Variants in RNF111 observed in about 807,000 individuals in gnomAD.
RNF111 encodes E3 ubiquitin-protein ligase Arkadia.
In RNF111, 17 loss-of-function variants were observed where a neutral mutation model predicts 95.1. That is an observed-to-expected ratio of 0.18 (90% CI 0.12 to 0.27). The LOEUF (loss-of-function observed/expected upper bound fraction) is 0.27. Ranked by LOEUF, RNF111 falls within the 10% of genes least tolerant of loss-of-function variation. The pLI, the probability that RNF111 is intolerant of heterozygous loss-of-function variation, is 1.00. For missense variants in RNF111, 1,189 were observed against 1,210.4 expected, an observed-to-expected ratio of 0.98 and a Z score of 0.26; for synonymous variants, 440 against 414.8, an observed-to-expected ratio of 1.06 and a Z score of -0.74.
At chr15:59,076,706 A>AT (rs1463866102) in intron 7 of RNF111, among the ~76,000 whole-genome samples, 1 of 152,222 alleles carries the variant, frequency 6.6e-6, no homozygotes, top group East Asian at 1.9e-4. Context: ...TAAAAATAAA[A>AT]TAGAACCAGC....
At chr15:59,009,918 T>C (rs1207886388) in intron 1 of RNF111, among the ~76,000 whole-genome samples, 4 of 152,178 alleles carry the variant, frequency 2.6e-5, no homozygotes, top group African/African-American at 9.7e-5. Context: ...ATCCTGCCAT[T>C]GTGCTCCAGC....
At chr15:59,053,037 G>C (rs951467946) in intron 3 of RNF111, among the ~76,000 whole-genome samples, 2 of 152,194 alleles carry the variant, frequency 1.3e-5, no homozygotes, top group South Asian at 4.1e-4. Context: ...TGTTGAAATA[G>C]CCCTTTCTGT....
At chr15:58,999,999 G>A (rs1012089533) in intron 1 of RNF111, among the ~76,000 whole-genome samples, 1 of 152,030 alleles carries the variant, frequency 6.6e-6, no homozygotes, top group Non-Finnish European at 1.5e-5. Context: ...AAATTGCCCA[G>A]ATAATCCAGT....
chr15:59,072,112 T>A, intron 6 of RNF111, among the ~76,000 whole-genome samples: 1 of 152,230 alleles, frequency 6.6e-6, no homozygotes, highest in East Asian at 1.9e-4. Context: ...AGCAATCCTC[T>A]GAGACTTCAG....
At chr15:59,090,484 C>G (rs986994069) in intron 11 of RNF111, among the ~76,000 whole-genome samples, 4 of 152,346 alleles carry the variant, frequency 2.6e-5, no homozygotes, top group Middle Eastern at 3.4e-3. Context: ...CCCACCTTGG[C>G]CTCCCAAAGT....
At chr15:59,046,362 T>G (rs1209659245) in intron 2 of RNF111, among the ~76,000 whole-genome samples, 1 of 152,086 alleles carries the variant, frequency 6.6e-6, no homozygotes, top group Non-Finnish European at 1.5e-5. Flanking sequence ...CCTGGCTAAT[T>G]TTTTATTTTT....
intron 6 of RNF111, among the ~76,000 whole-genome samples, chr15:59,067,337 C>T (rs967391158): frequency 6.6e-6 from 1 of 151,362 alleles, no homozygotes; most frequent in African/African-American, 2.4e-5. Context: ...TTCATTCCTT[C>T]CCTCTCCTTT....
chr15:59,033,227 T>C (rs1447146586), intron 2 of RNF111, among the ~76,000 whole-genome samples: 3 of 152,214 alleles, frequency 2.0e-5, no homozygotes, highest in Non-Finnish European at 4.4e-5. Context: ...GCTAGTCTAC[T>C]TTTGGATGTG....
At chr15:59,040,995 TC>T (rs749985902) in intron 2 of RNF111, among the ~76,000 whole-genome samples, 1 of 152,194 alleles carries the variant, frequency 6.6e-6, no homozygotes, top group Non-Finnish European at 1.5e-5. Context: ...TTTTTTTTCT[TC>T]AAAAATATAC....
chr15:59,005,499 C>T (rs116376298), intron 1 of RNF111, among the ~76,000 whole-genome samples: 2,358 of 152,282 alleles, frequency 0.015, 68 homozygotes, highest in African/African-American at 0.054. Flanking sequence ...GGACAGCTGT[C>T]ATCTTTTTAA....
In RNF111 at chr15:59,076,035, C is replaced by A. The variant is rs780618605; in HGVS notation, c.1768C>A (p.Pro590Thr). 5.0e-6 allele frequency: 8 copies of A among 1,614,136 alleles called. No individual in the cohort carries two copies. The highest frequency in any genetic ancestry group is 6.8e-6 in the Non-Finnish European group (8 of 1,180,044). The change falls in exon 7 of 14, where the codon CCC becomes ACC. Residue 590 changes from proline (P) to threonine (T), a missense_variant. Transcript: ENST00000348370. ...TTTTCATGGAGCATCTGCATTTGACCCCTGCTGCCCTGTTTCTTCCTCCCG... is the reference window on the plus strand; with the variant it reads ...TTTTCATGGAGCATCTGCATTTGACACCTGCTGCCCTGTTTCTTCCTCCCG... ...GSFHGASAFDPCCPVSSSRAA... is the reference protein window; with the variant it reads ...GSFHGASAFDTCCPVSSSRAA...
intron 1 of RNF111, among the ~76,000 whole-genome samples, chr15:59,012,339 C>T (rs1350889201): frequency 6.6e-6 from 1 of 152,070 alleles, no homozygotes; most frequent in African/African-American, 2.4e-5. Context: ...TCTTAATTTC[C>T]ACTTAGGTAA....
chr15:59,013,578 T>G (rs1439263563), intron 1 of RNF111, among the ~76,000 whole-genome samples: 2 of 152,222 alleles, frequency 1.3e-5, no homozygotes, highest in African/African-American at 4.8e-5. Context: ...CAACATGACT[T>G]AGCACTGATT....
At chr15:58,999,712 C>G (rs1467383415) in intron 1 of RNF111, among the ~76,000 whole-genome samples, 1 of 152,020 alleles carries the variant, frequency 6.6e-6, no homozygotes, top group Non-Finnish European at 1.5e-5. Flanking sequence ...GGTATTAGTT[C>G]GTTCTCACAC....
intron 1 of RNF111, among the ~76,000 whole-genome samples, chr15:58,992,202 G>A (rs1358045189): frequency 3.9e-5 from 6 of 152,106 alleles, no homozygotes; most frequent in African/African-American, 1.2e-4. Context: ...GCGCCACCAC[G>A]CCTGCTAACT....
rs1414331850 is a variant in RNF111, at chr15:58,987,820, C to T, written c.-268C>T. 1 of 155,526 alleles carries T rather than the reference C, an allele frequency of 6.4e-6. No individual in the cohort carries two copies. The highest frequency in any genetic ancestry group is 1.4e-5 in the Non-Finnish European group (1 of 69,666). 9.6% of individuals were successfully genotyped at this position (155,526 alleles called of 1,614,324 possible). On this transcript the variant is annotated 5_prime_UTR_variant, in exon 1 of 14. Coordinates refer to ENST00000348370, the MANE Select transcript of RNF111 (RefSeq NM_017610.8). ...CGCCCGCAGCTTCAGAGAAGGAGTT[C>T]TTGTGGGACCAAATTAGGCATTCTG...
chr15:59,057,294 T>C (rs1261171811), intron 4 of RNF111, among the ~76,000 whole-genome samples: 1 of 152,198 alleles, frequency 6.6e-6, no homozygotes, highest in Non-Finnish European at 1.5e-5. Context: ...TTAAACTATT[T>C]ACAAATAAAC....
At chr15:59,055,334 G>T (rs2042159614) in intron 3 of RNF111, among the ~76,000 whole-genome samples, 3 of 152,150 alleles carry the variant, frequency 2.0e-5, no homozygotes, top group Non-Finnish European at 4.4e-5. Flanking sequence ...AATGTGTAGG[G>T]TGTTATTTTT....
intron 2 of RNF111, among the ~76,000 whole-genome samples, chr15:59,040,453 G>A (rs1230017665): frequency 6.6e-6 from 1 of 152,050 alleles, no homozygotes; most frequent in Non-Finnish European, 1.5e-5. Context: ...TGTTTTAACA[G>A]ACAAAGCTAG....
Sources: gnomAD v4.1 joint callset for allele counts (sites outside exome capture counted in the v4.1 genomes callset) on GRCh38, gnomAD v4.1.1 for gene constraint, MANE v1.5 for transcripts, NCBI Gene and HGNC (gene_info 2026-07-23, HGNC 2026-07-21) for gene names.